AIF1: variants seen among roughly 807,000 people sequenced by gnomAD.
The protein encoded by AIF1 is interferon gamma responsive transcript.
In AIF1, 21 loss-of-function variants were observed where a neutral mutation model predicts 20.6. The observed-to-expected ratio is 1.02, with a 90% CI of 0.72 to 1.47. The LOEUF is 1.47. Among genes scored for constraint, AIF1 ranks in the 40% most tolerant of loss-of-function variants. The probability of loss-of-function intolerance (pLI) is 0.00; values close to 1 mark genes in which losing one functional copy is unlikely to be tolerated. For synonymous variants in AIF1, 52 were observed against 65.8 expected (o/e 0.79, Z 1.01); for missense variants, 161 against 170.5 (o/e 0.94, Z 0.31).
Position 31,616,181 on chromosome 6 carries a change from T to G in AIF1, c.196+36T>G, listed in dbSNP as rs775285407. On this transcript the variant is annotated intron_variant, in intron 4 of 5. Transcript: ENST00000376059. The surrounding 1 kb of genome is among the most constrained non-coding windows in gnomAD (Gnocchi z 4.0). Reference sequence around the variant, plus strand: ...GGTGATTTGCGGGGGCAGGGTGGTGTGCAGGCCTAAGAAGACAGAGGTCTC... The same window carrying G: ...GGTGATTTGCGGGGGCAGGGTGGTGGGCAGGCCTAAGAAGACAGAGGTCTC... 31 of 1,612,892 alleles carry G rather than the reference T, an allele frequency of 1.9e-5. No homozygotes were observed. Among genetic ancestry groups the G allele is most frequent in the African/African-American group, 2.7e-5 (2 of 74,882 alleles).
At position 31,616,324 on chromosome 6, in the gene AIF1, T is replaced by G; in HGVS notation, c.197-20T>G. The G allele has an allele frequency of 1.2e-6, 2 of 1,612,780 alleles. 1 individual carries two copies. On this transcript the variant is annotated intron_variant, in intron 4 of 5. Transcript: ENST00000376059. The surrounding 1 kb of genome is among the most constrained non-coding windows in gnomAD (Gnocchi z 4.0). ...AGAGGGTCTCCCCACCTTCTCCCCA[T>G]CCCCATCCTCTGCCCCCAGATATCA... is the stretch of plus-strand genomic sequence containing the variant.
At position 31,616,898 on chromosome 6, in the gene AIF1, T is replaced by C. The variant is rs770488240; in HGVS notation, c.442T>C (p.Ter148ArgextTer33). 1 of 1,614,178 alleles carries C rather than the reference T, an allele frequency of 6.2e-7. No homozygotes were observed. The highest frequency in any genetic ancestry group is 1.1e-5 in the South Asian group (1 of 91,082). ...PAKKAISELP* is the reference protein window; with the variant it reads ...PAKKAISELPR ...CAAGAAAGCTATCTCTGAGTTGCCC[T>C]GATTTGAAGGGAAAAGGGATGATGG... The change falls in exon 6 of 6, where the codon TGA becomes CGA. Residue 148 changes from the stop codon to arginine (R), a stop_lost. Transcript: ENST00000376059. The surrounding 1 kb of genome is among the most constrained non-coding windows in gnomAD (Gnocchi z 4.0).
chr6:31,616,257 T>C lies in AIF1; in HGVS notation c.197-87T>C, dbSNP rs778824737. Reference sequence around the variant, plus strand: ...TTGGGAGGGGGCCCACCTACCACAGTGGGAGGAAGGAGAATGGGGATGCGG... The same window carrying C: ...TTGGGAGGGGGCCCACCTACCACAGCGGGAGGAAGGAGAATGGGGATGCGG... On this transcript the variant is annotated intron_variant, in intron 4 of 5. Coordinates refer to ENST00000376059, the MANE Select transcript of AIF1 (RefSeq NM_001623.5). This position sits in a 1 kb window ranked among gnomAD's most constrained non-coding sequence, Gnocchi z 4.0. 2.5e-5 allele frequency: 41 copies of C among 1,612,782 alleles called. No individual in the cohort carries two copies. The highest frequency in any genetic ancestry group is 3.3e-5 in the Non-Finnish European group (39 of 1,179,936).
In AIF1 at chr6:31,616,195, GAC is replaced by G; in HGVS notation, c.196+52_196+53del. 6.2e-7 allele frequency: 1 copy of G among 1,613,246 alleles called. No homozygotes were observed. Among genetic ancestry groups the G allele is most frequent in the Non-Finnish European group, 8.5e-7 (1 of 1,179,950 alleles). Reference sequence around the variant, plus strand: ...GCAGGGTGGTGTGCAGGCCTAAGAAGACAGAGGTCTCTCCTACATGCTCCATT... The same window carrying G: ...GCAGGGTGGTGTGCAGGCCTAAGAAGAGAGGTCTCTCCTACATGCTCCATT... On this transcript the variant is annotated intron_variant, in intron 4 of 5. Transcript: ENST00000376059. This position sits in a 1 kb window ranked among gnomAD's most constrained non-coding sequence, Gnocchi z 4.0.
rs752976520 is a variant in AIF1, at chr6:31,616,448, T to C, written c.301T>C (p.Phe101Leu). The C allele has an allele frequency of 1.6e-5, 25 of 1,612,856 alleles. No homozygotes were observed. Among genetic ancestry groups the C allele is most frequent in the Non-Finnish European group, 1.9e-5 (22 of 1,179,964 alleles). Residue 101 changes from phenylalanine (F) to leucine (L), a missense_variant, in exon 5 of 6, where the codon TTC becomes CTC. Coordinates refer to ENST00000376059, the MANE Select transcript of AIF1 (RefSeq NM_001623.5). The surrounding 1 kb of genome is among the most constrained non-coding windows in gnomAD (Gnocchi z 4.0). ...GGTGTCCAGTGGCTCCGGGGAGACG[T>C]TCAGCTACCCTGACTTTCTCAGGAT... ...GEVSSGSGETFSYPDFLRMML... is the reference protein window; with the variant it reads ...GEVSSGSGETLSYPDFLRMML...
Position 31,616,649 on chromosome 6 carries a change from C to G in AIF1, c.359+143C>G. ...GAGGGACCCTTCCAAGGTCCCGACC[C>G]CATCCCTATCCATAGTCCTGGTCCC... On this transcript the variant is annotated intron_variant, in intron 5 of 5. Coordinates refer to ENST00000376059, the MANE Select transcript of AIF1 (RefSeq NM_001623.5). This position sits in a 1 kb window ranked among gnomAD's most constrained non-coding sequence, Gnocchi z 4.0. 9 of 1,486,786 alleles carry G rather than the reference C, an allele frequency of 6.1e-6. No homozygotes were observed. The highest frequency in any genetic ancestry group is 8.1e-6 in the Non-Finnish European group (9 of 1,117,186). 92.1% of individuals were successfully genotyped at this position (1,486,786 alleles called of 1,614,324 possible).
At position 31,616,549 on chromosome 6, in the gene AIF1, TC is replaced by T; in HGVS notation, c.359+45del. The T allele has an allele frequency of 6.4e-7, 1 of 1,556,258 alleles. No individual in the cohort carries two copies. Among genetic ancestry groups the T allele is most frequent in the Non-Finnish European group, 8.7e-7 (1 of 1,152,266 alleles). On this transcript the variant is annotated intron_variant, in intron 5 of 5. Transcript: ENST00000376059. This position sits in a 1 kb window ranked among gnomAD's most constrained non-coding sequence, Gnocchi z 4.0. ...ACCTCCCCTGTACTTACCTGTTTTC[TC>T]CTCCCCCATCCCTACCCTTGTCCAC...
rs759076922 is a variant in AIF1 at position 31,616,066 on chromosome 6, G to A, written c.155-38G>A. 1.3e-6 allele frequency: 2 copies of A among 1,538,948 alleles called. No individual in the cohort carries two copies. The highest frequency in any genetic ancestry group is 1.4e-5 in the African/African-American group (1 of 72,530). ...TCAGTCCCCTGCTGAAAACCCTCCAGTCAGCGCTTATCCCTTCTGCTCTCT... is the reference window on the plus strand; with the variant it reads ...TCAGTCCCCTGCTGAAAACCCTCCAATCAGCGCTTATCCCTTCTGCTCTCT... On this transcript the variant is annotated intron_variant, in intron 3 of 5. Transcript: ENST00000376059. This position sits in a 1 kb window ranked among gnomAD's most constrained non-coding sequence, Gnocchi z 4.0.
Position 31,616,945 on chromosome 6 carries a change from C to T in AIF1, c.*45C>T, listed in dbSNP as rs1774437463. On this transcript the variant is annotated 3_prime_UTR_variant, in exon 6 of 6. Transcript: ENST00000376059. This position sits in a 1 kb window ranked among gnomAD's most constrained non-coding sequence, Gnocchi z 4.0. The stretch of plus-strand genomic sequence containing the variant: ...ATGGGATTGAAGGGGCTTCTAATGA[C>T]CCAGATATGGAAACAGAAGACAAAA... The T allele has an allele frequency of 6.2e-7, 1 of 1,611,122 alleles. No individual in the cohort carries two copies. Among genetic ancestry groups the T allele is most frequent in the Non-Finnish European group, 8.5e-7 (1 of 1,178,536 alleles).
chr6:31,616,194 A>G lies in AIF1; in HGVS notation c.196+49A>G. Reference sequence around the variant, plus strand: ...GGCAGGGTGGTGTGCAGGCCTAAGAAGACAGAGGTCTCTCCTACATGCTCC... The same window carrying G: ...GGCAGGGTGGTGTGCAGGCCTAAGAGGACAGAGGTCTCTCCTACATGCTCC... On this transcript the variant is annotated intron_variant, in intron 4 of 5. Transcript: ENST00000376059. The surrounding 1 kb of genome is among the most constrained non-coding windows in gnomAD (Gnocchi z 4.0). 1 of 1,613,226 alleles carries G rather than the reference A, an allele frequency of 6.2e-7. No homozygotes were observed. The highest frequency in any genetic ancestry group is 2.2e-5 in the East Asian group (1 of 44,888).
Position 31,616,109 on chromosome 6 carries a change from T to TC in AIF1, c.160_161insC (p.Tyr54SerfsTer5). ...TGCTCTCTCCCCTCACCCAGAGAAA[T>TC]ACATGGAGTTTGACCTTAATGGAAA... On this transcript the variant is annotated frameshift_variant, in exon 4 of 6. Coordinates refer to ENST00000376059, the MANE Select transcript of AIF1 (RefSeq NM_001623.5). LOFTEE classifies it high-confidence loss of function. The surrounding 1 kb of genome is among the most constrained non-coding windows in gnomAD (Gnocchi z 4.0). The TC allele has an allele frequency of 6.3e-7, 1 of 1,587,990 alleles. No homozygotes were observed. The highest frequency in any genetic ancestry group is 8.6e-7 in the Non-Finnish European group (1 of 1,165,582).
intron 3 of AIF1, 160 bp downstream of exon 3, chr6:31,615,896 C>T: frequency 6.7e-7 from 1 of 1,481,554 alleles, no homozygotes; most frequent in Non-Finnish European, 9.0e-7. Flanking sequence ...CGGTCCCTTT[C>T]CCGGGCCTGC....
At position 31,615,656 on chromosome 6, in the gene AIF1, T is replaced by C. The variant is rs1235040054; in HGVS notation, c.88-14T>C. On this transcript the variant is annotated splice_polypyrimidine_tract_variant and intron_variant, in intron 2 of 5. Transcript: ENST00000376059. ...GGGGAGGGCCTACCCTGGCTCTTAT[T>C]TTCCCCTCCATAGCAATTCCTAGAC... The C allele has an allele frequency of 6.2e-7, 1 of 1,613,116 alleles. No individual in the cohort carries two copies. The highest frequency in any genetic ancestry group is 2.2e-5 in the East Asian group (1 of 44,862).
At chr6:31,615,632 G>C in intron 2 of AIF1, 38 bp from the exon 3 acceptor site, 1 of 1,613,370 alleles carries the variant, frequency 6.2e-7, no homozygotes. Context: ...GGCGTGGATG[G>C]GGAGGGCCTA....
Position 31,616,389 on chromosome 6 carries a change from A to G in AIF1, c.242A>G (p.Lys81Arg). ...KRMLEKLGVP[K>R]THLELKKLIG... ...ATGCTGGAGAAACTTGGAGTCCCCA[A>G]GACTCACCTAGAGCTAAAGAAATTA... The change falls in exon 5 of 6, where the codon AAG becomes AGG. Residue 81 changes from lysine (K) to arginine (R), a missense_variant. By Grantham distance (26) the Lys-to-Arg change is conservative. Coordinates refer to ENST00000376059, the MANE Select transcript of AIF1 (RefSeq NM_001623.5). The surrounding 1 kb of genome is among the most constrained non-coding windows in gnomAD (Gnocchi z 4.0). The G allele has an allele frequency of 6.2e-7, 1 of 1,612,984 alleles. No homozygotes were observed. Among genetic ancestry groups the G allele is most frequent in the Non-Finnish European group, 8.5e-7 (1 of 1,180,008 alleles).
intron 2 of AIF1, 28 bp downstream of exon 2, chr6:31,615,610 C>G (rs759595686): frequency 4.2e-5 from 67 of 1,613,398 alleles, no homozygotes; most frequent in East Asian, 3.8e-4. Context: ...GGGGGCAGAG[C>G]CAGGGGGATG....
intron 3 of AIF1, 71 bp downstream of exon 3, chr6:31,615,807 G>C: frequency 6.4e-7 from 1 of 1,553,338 alleles, no homozygotes; most frequent in Non-Finnish European, 8.7e-7. Flanking sequence ...CAAGAACAAG[G>C]CAGGAACAGC....
intron 1 of AIF1, 51 bp downstream of exon 1, chr6:31,615,405 C>T (rs776750077): frequency 6.2e-7 from 1 of 1,613,422 alleles, no homozygotes; most frequent in South Asian, 1.1e-5. Flanking sequence ...ATGAGATGGA[C>T]AGACCTGGGC....
Position 31,616,672 on chromosome 6 carries a change from C to T in AIF1, c.360-144C>T, listed in dbSNP as rs1239868567. On this transcript the variant is annotated intron_variant, in intron 5 of 5. Coordinates refer to ENST00000376059, the MANE Select transcript of AIF1 (RefSeq NM_001623.5). This position sits in a 1 kb window ranked among gnomAD's most constrained non-coding sequence, Gnocchi z 4.0. ...CCCCATCCCTATCCATAGTCCTGGT[C>T]CCCAGAAACTCCAACCCCTGCCCTT... The T allele has an allele frequency of 4.0e-6, 6 of 1,502,058 alleles. No individual in the cohort carries two copies. The highest frequency in any genetic ancestry group is 5.3e-6 in the Non-Finnish European group (6 of 1,123,176). The allele number at this position is 1,502,058 out of a possible 1,614,324, so 93.0% of individuals were successfully genotyped here.
Sources: allele counts gnomAD v4.1 joint callset, GRCh38; gene constraint gnomAD v4.1.1; non-coding constraint Gnocchi (gnomAD v3.1); transcripts MANE v1.5; gene names NCBI Gene and HGNC (gene_info 2026-07-23, HGNC 2026-07-21).